Variants in MYO5C observed in about 807,000 individuals in gnomAD.
MYO5C encodes the protein myosin VC.
A neutral mutation model predicts 235.7 loss-of-function variants in MYO5C; 194 were observed. The observed-to-expected ratio is 0.82, with a 90% CI of 0.73 to 0.93. The LOEUF (loss-of-function observed/expected upper bound fraction) is 0.93. MYO5C is among the 40% of genes least tolerant of loss of function. The pLI is 0.00. For missense variants in MYO5C, 2,038 were observed against 2,127.2 expected (o/e 0.96, Z 0.82); for synonymous variants, 707 against 754.8 (o/e 0.94, Z 1.04).
At chr15:52,212,888 A>G (rs1240856544) in intron 34 of MYO5C, among the ~76,000 whole-genome samples, 1 of 152,226 alleles carries the variant, frequency 6.6e-6, no homozygotes, top group Admixed American at 6.5e-5. Context: ...TTCTCAACTG[A>G]GGACAGTTTT....
rs781206048 is a variant in MYO5C at position 52,256,639 on chromosome 15, C to G, written c.1395G>C (p.Met465Ile). The change falls in exon 11 of 41, where the codon ATG becomes ATC. Residue 465 changes from methionine (M) to isoleucine (I), a missense_variant and splice_region_variant. Coordinates refer to ENST00000261839, the MANE Select transcript of MYO5C (RefSeq NM_018728.4). ...TCAAGAAGGCAGAAAGGTCACCTAC[C>G]ATGTTAAACTGTTGTTGCAGTTTTT... ...ANEKLQQQFNMHVFKLEQEEY... is the reference protein window; with the variant it reads ...ANEKLQQQFNIHVFKLEQEEY... The G allele has an allele frequency of 4.4e-6, 7 of 1,577,378 alleles. No homozygotes were observed. In the South Asian group the frequency reaches 6.6e-5, roughly 15 times the overall value.
chr15:52,263,955 T>C (rs1042963776), intron 9 of MYO5C, among the ~76,000 whole-genome samples: 5 of 152,148 alleles, frequency 3.3e-5, no homozygotes, highest in Non-Finnish European at 5.9e-5. Context: ...TACATACTTT[T>C]TGAATAAAAG....
At chr15:52,235,583 C>G (rs1348581407) in intron 23 of MYO5C, 87 bp downstream of exon 23, 16 of 1,006,300 alleles carry the variant, frequency 1.6e-5, no homozygotes, top group Non-Finnish European at 2.3e-5. Context: ...CACCAGAGAC[C>G]CCTGGTTCTA....
chr15:52,263,124 GA>G (rs1166904361), intron 9 of MYO5C, among the ~76,000 whole-genome samples: 1 of 152,172 alleles, frequency 6.6e-6, no homozygotes, highest in Non-Finnish European at 1.5e-5. Flanking sequence ...GAACGGTGAG[GA>G]AACAAATGTC....
intron 1 of MYO5C, among the ~76,000 whole-genome samples, chr15:52,289,706 T>C (rs1434184077): frequency 6.6e-6 from 1 of 151,934 alleles, no homozygotes; most frequent in East Asian, 1.9e-4. Flanking sequence ...ACAGACTCTC[T>C]CATCCGTACT....
chr15:52,295,636 T>TGGGCAGGAGGGGCCGGGGCC lies in MYO5C; in HGVS notation c.-20_-1dup. ...TGCGTGTACAGCTCGGCCACCGCCA[T>TGGGCAGGAGGGGCCGGGGCC]GGGCAGGAGGGGCCGGGGCCAGGCC... On this transcript the variant is annotated 5_prime_UTR_variant, in exon 1 of 41. Transcript: ENST00000261839. The TGGGCAGGAGGGGCCGGGGCC allele has an allele frequency of 6.8e-7, 1 of 1,476,250 alleles. No individual in the cohort carries two copies. The highest frequency in any genetic ancestry group is 9.0e-7 in the Non-Finnish European group (1 of 1,116,644). The allele number at this position is 1,476,250 out of a possible 1,614,324, so 91.4% of individuals were successfully genotyped here. A position where few individuals can be genotyped will look rare whatever the true frequency, so the allele number is the denominator to read the frequency against.
At chr15:52,234,520 T>G (rs533028298) in intron 23 of MYO5C, among the ~76,000 whole-genome samples, 2 of 151,832 alleles carry the variant, frequency 1.3e-5, no homozygotes. Context: ...CCAAGAGGAG[T>G]GTGCTGTAAT....
intron 22 of MYO5C, 85 bp from the exon 23 acceptor site, chr15:52,235,848 A>C (rs936922876): frequency 6.1e-6 from 5 of 816,790 alleles, no homozygotes; most frequent in Non-Finnish European, 9.9e-6. Flanking sequence ...AAAAAGATGT[A>C]TATTCTTAAA....
chr15:52,286,239 C>T, intron 1 of MYO5C, among the ~76,000 whole-genome samples: 1 of 151,526 alleles, frequency 6.6e-6, no homozygotes, highest in East Asian at 2.0e-4. Context: ...CAGCCCCCGC[C>T]AGGCCAGCCG....
At chr15:52,272,844 G>GA (rs2036956328) in intron 5 of MYO5C, 121 bp from the exon 6 acceptor site, 1 of 943,402 alleles carries the variant, frequency 1.1e-6, no homozygotes, top group Non-Finnish European at 1.6e-6. Flanking sequence ...TTGGCAGAGG[G>GA]AAGTCTGGGG....
chr15:52,294,869 T>C (rs1442810953), intron 1 of MYO5C, among the ~76,000 whole-genome samples: 1 of 152,078 alleles, frequency 6.6e-6, no homozygotes, highest in African/African-American at 2.4e-5. Context: ...AGAGTCAGGG[T>C]ATATGAAAGG....
intron 25 of MYO5C, 63 bp from the exon 26 acceptor site, chr15:52,225,595 A>G (rs2035804582): frequency 3.2e-5 from 35 of 1,109,272 alleles, no homozygotes; most frequent in Non-Finnish European, 4.5e-5. Flanking sequence ...TATATAAGAC[A>G]AAGGGAACAC....
intron 23 of MYO5C, among the ~76,000 whole-genome samples, chr15:52,235,207 T>C (rs2036050925): frequency 6.6e-6 from 1 of 152,158 alleles, no homozygotes; most frequent in African/African-American, 2.4e-5. Flanking sequence ...CTCCGACAGA[T>C]CAGAATTTTT....
At position 52,196,333 on chromosome 15, in the gene MYO5C, G is replaced by A. The variant is rs780594022; in HGVS notation, c.4971C>T (p.Arg1657=). 5 of 1,612,814 alleles carry A rather than the reference G, an allele frequency of 3.1e-6. No homozygotes were observed. The South Asian group carries it at 3.3e-5, about 11-fold the overall frequency. Residue 1657 remains arginine (R), a synonymous_variant, in exon 39 of 41, where the codon CGC becomes CGT. Coordinates refer to ENST00000261839, the MANE Select transcript of MYO5C (RefSeq NM_018728.4). ...TDSDAKEIYE[R]CTSLSAVQII... The stretch of plus-strand genomic sequence containing the variant: ...CCTGCACAGCAGACAGTGAGGTGCA[G>A]CGTTCGTAGATCTCCTTGGCATCAC...
intron 9 of MYO5C, among the ~76,000 whole-genome samples, chr15:52,262,976 T>C (rs145997877): frequency 6.6e-6 from 1 of 152,122 alleles, no homozygotes; most frequent in Non-Finnish European, 1.5e-5. Context: ...GGATTAGTGT[T>C]CTCGTAAGAG....
chr15:52,244,148 A>C (rs1204014440), intron 19 of MYO5C, among the ~76,000 whole-genome samples: 2 of 152,020 alleles, frequency 1.3e-5, no homozygotes, highest in African/African-American at 4.8e-5. Flanking sequence ...TCGGCTCACC[A>C]CACAGACACC....
intron 38 of MYO5C, among the ~76,000 whole-genome samples, chr15:52,203,413 T>C (rs1040827793): frequency 1.3e-5 from 2 of 152,232 alleles, no homozygotes; most frequent in Admixed American, 6.5e-5. Flanking sequence ...AATGGTGTGA[T>C]CTTGGCTCAC....
rs536128797 is a variant in MYO5C at position 52,267,962 on chromosome 15, T to C, written c.940+1791A>G. Among the ~76,000 whole-genome samples the C allele has an allele frequency of 3.9e-5, 6 of 152,264 alleles. No individual in the cohort carries two copies. In the East Asian group the frequency reaches 1.2e-3, roughly 29 times the overall value. ...GGAGTACATTATACAAAGATTGAAA[T>C]GACGACCATAATTATTTTCAGCAAA... On this transcript the variant is annotated intron_variant, in intron 8 of 40. Coordinates refer to ENST00000261839, the MANE Select transcript of MYO5C (RefSeq NM_018728.4).
chr15:52,199,770 A>C (rs886239767), intron 38 of MYO5C, among the ~76,000 whole-genome samples: 1 of 152,136 alleles, frequency 6.6e-6, no homozygotes, highest in Non-Finnish European at 1.5e-5. Flanking sequence ...ACTCGAAGAG[A>C]AGGGAAACTT....
Sources: gnomAD v4.1 joint callset for allele counts (sites outside exome capture counted in the v4.1 genomes callset) on GRCh38, gnomAD v4.1.1 for gene constraint, MANE v1.5 for transcripts, NCBI Gene and HGNC (gene_info 2026-07-23, HGNC 2026-07-21) for gene names.